Variants in MEIKIN observed in about 807,000 individuals in gnomAD.
MEIKIN encodes meiosis-specific kinetochore protein.
chr5:131,807,332 C>T (rs61077793), intron 12 of MEIKIN, 74 bp from the exon 13 acceptor site: 4,954 of 397,032 alleles, frequency 0.012, 226 homozygotes, highest in African/African-American at 0.092. Context: ...AACCAGTCTG[C>T]AGGGGAGAGA....
intron 7 of MEIKIN, 74 bp downstream of exon 7, chr5:131,916,812 A>G: frequency 2.5e-6 from 1 of 393,832 alleles, no homozygotes; most frequent in Non-Finnish European, 4.5e-6. Flanking sequence ...GTGGACTAAC[A>G]ATCATATTTG....
At chr5:131,829,606 A>T (rs565418070) in intron 11 of MEIKIN, among the ~76,000 whole-genome samples, 2 of 152,186 alleles carry the variant, frequency 1.3e-5, no homozygotes, top group African/African-American at 2.4e-5. Flanking sequence ...AAACAGAAAA[A>T]TAAAAAAAAC....
Position 131,921,894 on chromosome 5 carries a change from T to C in MEIKIN, c.526A>G (p.Thr176Ala), listed in dbSNP as rs974857854. The C allele has an allele frequency of 5.0e-6, 2 of 398,832 alleles. No individual in the cohort carries two copies. Among genetic ancestry groups the C allele is most frequent in the Non-Finnish European group, 8.8e-6 (2 of 226,022 alleles). The allele number at this position is 398,832 out of a possible 1,614,324, so 24.7% of individuals were successfully genotyped here. ...ACTGCTTTACTGGTATCCAGAAGAG[T>C]AGAATTCTTCCACTGCATGTGTTCT... ...LEEHMQWKNS[T>A]LLDTSKAVAI... is the part of the protein sequence containing the mutation. Residue 176 changes from threonine (T) to alanine (A), a missense_variant, in exon 6 of 13, where the codon ACT becomes GCT. Thr to Ala is a moderately conservative substitution (Grantham distance 58, BLOSUM62 0). Transcript: ENST00000442687.
chr5:131,815,140 T>A (rs554379130), intron 12 of MEIKIN, among the ~76,000 whole-genome samples: 1 of 152,098 alleles, frequency 6.6e-6, no homozygotes, highest in Non-Finnish European at 1.5e-5. Flanking sequence ...CATACAACAT[T>A]GCTTCTGATC....
chr5:131,941,026 G>C (rs371399479), intron 4 of MEIKIN, among the ~76,000 whole-genome samples: 1 of 151,722 alleles, frequency 6.6e-6, no homozygotes, highest in East Asian at 1.9e-4. Context: ...TCTCCTGGCA[G>C]CAGGCACTGG....
chr5:131,849,138 G>A (rs969759894), intron 11 of MEIKIN, among the ~76,000 whole-genome samples: 14 of 152,128 alleles, frequency 9.2e-5, no homozygotes, highest in Non-Finnish European at 1.6e-4. Flanking sequence ...CCCCAATGTT[G>A]GAGGTGGGCC....
At chr5:131,809,555 T>G (rs558579567) in intron 12 of MEIKIN, among the ~76,000 whole-genome samples, 1 of 152,266 alleles carries the variant, frequency 6.6e-6, no homozygotes, top group East Asian at 1.9e-4. Flanking sequence ...ACGCCTGTAA[T>G]CCCAGCACTT....
chr5:131,812,554 A>G (rs192100920), intron 12 of MEIKIN, among the ~76,000 whole-genome samples: 31 of 152,346 alleles, frequency 2.0e-4, no homozygotes, highest in South Asian at 4.1e-4. Context: ...ACCAAAAGGC[A>G]GACACAATGC....
chr5:131,936,417 C>T (rs1751777743), intron 4 of MEIKIN, among the ~76,000 whole-genome samples: 1 of 152,096 alleles, frequency 6.6e-6, no homozygotes, highest in Non-Finnish European at 1.5e-5. Flanking sequence ...TAAATAAATT[C>T]AATGTTTCTA....
At chr5:131,809,076 CAAAA>C (rs1772902545) in intron 12 of MEIKIN, among the ~76,000 whole-genome samples, 3 of 143,778 alleles carry the variant, frequency 2.1e-5, no homozygotes, top group African/African-American at 7.8e-5. Context: ...CAAACAAAAA[CAAAA>C]ACACATATAT....
At chr5:131,852,611 A>G (rs1750133757) in intron 10 of MEIKIN, among the ~76,000 whole-genome samples, 1 of 152,168 alleles carries the variant, frequency 6.6e-6, no homozygotes, top group South Asian at 2.1e-4. Flanking sequence ...ACTCAGAAAG[A>G]GCAAACCTAT....
intron 5 of MEIKIN, among the ~76,000 whole-genome samples, chr5:131,929,805 A>G (rs1751652302): frequency 6.6e-6 from 1 of 152,186 alleles, no homozygotes; most frequent in Non-Finnish European, 1.5e-5. Flanking sequence ...TTCCTGCATT[A>G]ATTTGCTTAG....
intron 8 of MEIKIN, among the ~76,000 whole-genome samples, chr5:131,909,166 A>G (rs1751293482): frequency 6.6e-6 from 1 of 152,222 alleles, no homozygotes; most frequent in African/African-American, 2.4e-5. Flanking sequence ...ACTTTAAATT[A>G]TACTATGGCG....
intron 12 of MEIKIN, among the ~76,000 whole-genome samples, chr5:131,812,434 T>C (rs931291709): frequency 4.6e-5 from 7 of 152,154 alleles, no homozygotes; most frequent in Non-Finnish European, 7.3e-5. Context: ...TACAATGAAA[T>C]TGGTAGGTCT....
intron 11 of MEIKIN, among the ~76,000 whole-genome samples, chr5:131,826,447 T>C (rs1281563564): frequency 6.6e-6 from 1 of 152,198 alleles, no homozygotes; most frequent in Non-Finnish European, 1.5e-5. Context: ...AACTTAAAAG[T>C]ACTGTAAGGT....
At chr5:131,837,785 T>G (rs529948873) in intron 11 of MEIKIN, among the ~76,000 whole-genome samples, 1 of 152,078 alleles carries the variant, frequency 6.6e-6, no homozygotes, top group Admixed American at 6.6e-5. Context: ...TCTAGATATA[T>G]GATCATGTAG....
chr5:131,869,647 A>G (rs1447737439), intron 9 of MEIKIN, among the ~76,000 whole-genome samples: 1 of 152,224 alleles, frequency 6.6e-6, no homozygotes, highest in Non-Finnish European at 1.5e-5. Context: ...TCCCACTGCT[A>G]GAAGCATGAG....
chr5:131,906,773 C>T (rs1346391385), intron 8 of MEIKIN, among the ~76,000 whole-genome samples: 1 of 152,082 alleles, frequency 6.6e-6, no homozygotes, highest in Non-Finnish European at 1.5e-5. Context: ...GAACAGAAAA[C>T]CAAATACTGC....
intron 9 of MEIKIN, among the ~76,000 whole-genome samples, chr5:131,855,678 GAGAA>G (rs1159175889): frequency 6.6e-6 from 1 of 152,070 alleles, no homozygotes; most frequent in African/African-American, 2.4e-5. Flanking sequence ...GAGGAAAAAA[GAGAA>G]AGACAGAGAA....
Sources: allele counts gnomAD v4.1 joint callset (sites outside exome capture counted in the v4.1 genomes callset), GRCh38; gene constraint gnomAD v4.1.1; transcripts MANE v1.5; gene names NCBI Gene and HGNC (gene_info 2026-07-23, HGNC 2026-07-21).